The following KIAA0825 variants were observed in gnomAD, a reference collection of about 807,000 sequenced individuals.
The protein encoded by KIAA0825 is uncharacterized protein KIAA0825.
In KIAA0825, 119 loss-of-function variants were observed where a neutral mutation model predicts 147.6. The ratio of observed to expected loss-of-function variants is 0.81; its 90% confidence interval spans 0.69 to 0.94. The LOEUF is 0.94. Among genes scored for constraint, KIAA0825 ranks in the 40% least tolerant of loss-of-function variants. The probability of loss-of-function intolerance (pLI) is 0.00; values close to 1 mark genes in which losing one functional copy is unlikely to be tolerated. For missense variants in KIAA0825, 1,381 were observed against 1,472.7 expected (o/e 0.94, Z 1.02); for synonymous variants, 470 against 518.1 (o/e 0.91, Z 1.26).
intron 20 of KIAA0825, among the ~76,000 whole-genome samples, chr5:94,216,123 G>A (rs985694406): frequency 4.6e-5 from 7 of 152,076 alleles, no homozygotes; most frequent in African/African-American, 1.7e-4. Context: ...GCTTTCTTTA[G>A]GCTGGTACAA....
intron 16 of KIAA0825, 77 bp from the exon 17 acceptor site, chr5:94,396,586 A>T (rs1033147542): frequency 5.8e-6 from 7 of 1,196,894 alleles, no homozygotes; most frequent in Non-Finnish European, 7.8e-6. Context: ...TTGTATAAGG[A>T]TGTCTAATTT....
At chr5:94,268,498 C>T (rs1258289102) in intron 20 of KIAA0825, among the ~76,000 whole-genome samples, 1 of 152,132 alleles carries the variant, frequency 6.6e-6, no homozygotes, top group Non-Finnish European at 1.5e-5. Flanking sequence ...TGAGAAACCA[C>T]AGCAGCAGAC....
At chr5:94,209,035 T>G (rs1772461064) in intron 20 of KIAA0825, among the ~76,000 whole-genome samples, 1 of 152,228 alleles carries the variant, frequency 6.6e-6, no homozygotes. Flanking sequence ...ATCATTTTGA[T>G]GTTTGTGGTC....
intron 20 of KIAA0825, among the ~76,000 whole-genome samples, chr5:94,199,485 G>A (rs1387591944): frequency 6.6e-6 from 1 of 152,196 alleles, no homozygotes; most frequent in Non-Finnish European, 1.5e-5. Flanking sequence ...GTGCTCTGAT[G>A]GGGAAGGGGG....
chr5:94,350,392 AAGAT>A (rs1461733561), intron 20 of KIAA0825, among the ~76,000 whole-genome samples: 2 of 152,326 alleles, frequency 1.3e-5, no homozygotes, highest in African/African-American at 2.4e-5. Context: ...ACTATTCCAC[AAGAT>A]AGGGGAAGAA....
rs1055040529 is a variant in KIAA0825, at chr5:94,487,051, A to G, written c.971-2121T>C. On this transcript the variant is annotated intron_variant, in intron 5 of 20. Coordinates refer to ENST00000682413, the MANE Select transcript of KIAA0825 (RefSeq NM_001145678.3). ...AGAAACACCGCATGAAGAATCTTTA[A>G]GAGTCAAAATTATATAAGAGTGCTT... Among the ~76,000 whole-genome samples, 7 of 152,324 alleles carry G rather than the reference A, an allele frequency of 4.6e-5. No homozygotes were observed. The South Asian group carries it at 6.2e-4, about 14-fold the overall frequency.
intron 5 of KIAA0825, among the ~76,000 whole-genome samples, chr5:94,485,948 T>C (rs1288993241): frequency 6.6e-6 from 1 of 151,880 alleles, no homozygotes; most frequent in Non-Finnish European, 1.5e-5. Context: ...AAAGGTTGTT[T>C]TTTTGCCCTC....
intron 20 of KIAA0825, among the ~76,000 whole-genome samples, chr5:94,282,891 C>T (rs980549281): frequency 1.3e-5 from 2 of 151,578 alleles, no homozygotes; most frequent in Admixed American, 1.3e-4. Context: ...ATAAAAAGTG[C>T]AAAGTAAAAA....
At chr5:94,471,445 C>T in intron 9 of KIAA0825, 21 bp downstream of exon 9, 1 of 1,548,040 alleles carries the variant, frequency 6.5e-7, no homozygotes, top group Non-Finnish European at 8.7e-7. Context: ...TGGCCATCAT[C>T]TTAATTTAAA....
chr5:94,459,005 A>G (rs1759485572), intron 12 of KIAA0825, among the ~76,000 whole-genome samples: 1 of 152,086 alleles, frequency 6.6e-6, no homozygotes, highest in Admixed American at 6.6e-5. Flanking sequence ...GCTTCTGGTA[A>G]CCACTGATCT....
At chr5:94,233,928 ATCT>A (rs1354609968) in intron 20 of KIAA0825, among the ~76,000 whole-genome samples, 1 of 152,262 alleles carries the variant, frequency 6.6e-6, no homozygotes, top group African/African-American at 2.4e-5. Context: ...TTTTGTTTTT[ATCT>A]AATGACTTGA....
intron 20 of KIAA0825, among the ~76,000 whole-genome samples, chr5:94,177,035 T>C (rs1388247291): frequency 3.9e-5 from 6 of 151,978 alleles, no homozygotes; most frequent in Non-Finnish European, 8.8e-5. Flanking sequence ...AAAACACCAA[T>C]GCACACCACA....
At chr5:94,602,939 C>T (rs1412316547) in intron 1 of KIAA0825, among the ~76,000 whole-genome samples, 2 of 151,876 alleles carry the variant, frequency 1.3e-5, no homozygotes, top group African/African-American at 4.8e-5. Context: ...AGTGATTCTC[C>T]CACCTCAGCC....
intron 14 of KIAA0825, among the ~76,000 whole-genome samples, chr5:94,425,455 C>T (rs1025263975): frequency 6.6e-6 from 1 of 152,074 alleles, no homozygotes; most frequent in South Asian, 2.1e-4. Flanking sequence ...AATCTCTCAA[C>T]AGGCCAGGCA....
chr5:94,563,711 G>A (rs1225020147), intron 2 of KIAA0825, among the ~76,000 whole-genome samples: 1 of 152,066 alleles, frequency 6.6e-6, no homozygotes, highest in Non-Finnish European at 1.5e-5. Context: ...TTGAGACAGA[G>A]TTCCACTGTT....
intron 5 of KIAA0825, among the ~76,000 whole-genome samples, chr5:94,508,041 T>C (rs1198301019): frequency 1.3e-5 from 2 of 152,208 alleles, no homozygotes; most frequent in African/African-American, 4.8e-5. Context: ...AAAGTAGTGT[T>C]ATTTTTTCTT....
chr5:94,331,204 A>T (rs1781239002), intron 20 of KIAA0825, among the ~76,000 whole-genome samples: 1 of 151,848 alleles, frequency 6.6e-6, no homozygotes, highest in Non-Finnish European at 1.5e-5. Flanking sequence ...GAAGGAAGGA[A>T]AGAGAAAGAA....
intron 2 of KIAA0825, among the ~76,000 whole-genome samples, chr5:94,558,358 TG>T (rs1415480790): frequency 6.6e-6 from 1 of 152,200 alleles, no homozygotes. Flanking sequence ...ACATCACTGG[TG>T]GTAAACCAGT....
intron 20 of KIAA0825, among the ~76,000 whole-genome samples, chr5:94,359,872 G>T (rs1053401003): frequency 2.0e-5 from 3 of 152,170 alleles, no homozygotes; most frequent in Non-Finnish European, 4.4e-5. Flanking sequence ...TTAAACTAGG[G>T]TGAGCAAATG....
Sources: gnomAD v4.1 joint callset for allele counts (sites outside exome capture counted in the v4.1 genomes callset) on GRCh38, gnomAD v4.1.1 for gene constraint, MANE v1.5 for transcripts, NCBI Gene and HGNC (gene_info 2026-07-23, HGNC 2026-07-21) for gene names.